NAA35: variants seen among roughly 807,000 people sequenced by gnomAD.
NAA35 encodes MAK10 homolog, amino-acid N-acetyltransferase subunit.
A neutral mutation model predicts 101.7 loss-of-function variants in NAA35; 18 were observed. The ratio of observed to expected loss-of-function variants is 0.18; its 90% CI spans 0.12 to 0.26. NAA35 has a LOEUF of 0.26. Among genes scored for constraint, NAA35 ranks in the 10% least tolerant of loss-of-function variants. The probability of loss-of-function intolerance (pLI) is 1.00; values close to 1 mark genes in which losing one functional copy is unlikely to be tolerated. For synonymous variants in NAA35, 267 were observed against 273.1 expected (o/e 0.98, Z 0.22); for missense variants, 601 against 886.8 (o/e 0.68, Z 4.09).
In NAA35 at chr9:86,023,608, A is replaced by G. The variant is rs1832664380; in HGVS notation, c.*1648A>G. On this transcript the variant is annotated 3_prime_UTR_variant, in exon 23 of 23. Coordinates refer to ENST00000361671, the MANE Select transcript of NAA35 (RefSeq NM_024635.4). ...AAAAAAAGGAATGTAGATTAATGCA[A>G]CAAGGGCCCTGCTAGATGATGGGAT... is the stretch of plus-strand genomic sequence containing the variant. Among the ~76,000 whole-genome samples, 1 of 152,216 alleles carries G rather than the reference A, an allele frequency of 6.6e-6. No homozygotes were observed. The highest frequency in any genetic ancestry group is 1.5e-5 in the Non-Finnish European group (1 of 68,036).
chr9:85,983,151 A>G (rs1056283306), intron 11 of NAA35, among the ~76,000 whole-genome samples: 1 of 152,172 alleles, frequency 6.6e-6, no homozygotes, highest in Non-Finnish European at 1.5e-5. Context: ...GGGATTCTGT[A>G]CTTGAGGGTA....
rs559262699 is a variant in NAA35, at chr9:85,999,469, A to T, written c.1056+2892A>T. Among the ~76,000 whole-genome samples the T allele has an allele frequency of 6.6e-5, 10 of 152,300 alleles. No homozygotes were observed. In the East Asian group the frequency reaches 1.9e-3, roughly 29 times the overall value. On this transcript the variant is annotated intron_variant, in intron 12 of 22. Coordinates refer to ENST00000361671, the MANE Select transcript of NAA35 (RefSeq NM_024635.4). Reference sequence around the variant, plus strand: ...TGGTAAGCAAATGGACTTTAAAATAATTTTTTTAGTAAGCAACAGGGCTGA... The same window carrying T: ...TGGTAAGCAAATGGACTTTAAAATATTTTTTTTAGTAAGCAACAGGGCTGA...
rs1831698103 is a variant in NAA35, at chr9:86,007,476, A to G, written c.1223+12A>G. ...GTGCTTTCCCCCAAGTAAGTATTGTAAGACATTTTAGAGTTGTATGTATGT... is the reference window on the plus strand; with the variant it reads ...GTGCTTTCCCCCAAGTAAGTATTGTGAGACATTTTAGAGTTGTATGTATGT... On this transcript the variant is annotated intron_variant, in intron 14 of 22. Transcript: ENST00000361671. 6.2e-7 allele frequency: 1 copy of G among 1,605,968 alleles called. No homozygotes were observed. Among genetic ancestry groups the G allele is most frequent in the East Asian group, 2.2e-5 (1 of 44,804 alleles).
chr9:85,986,305 T>C (rs1009576179), intron 11 of NAA35, among the ~76,000 whole-genome samples: 3 of 152,270 alleles, frequency 2.0e-5, no homozygotes, highest in Non-Finnish European at 4.4e-5. Context: ...CTGACTTATT[T>C]ACTTGATCAT....
chr9:85,986,051 A>G (rs1830633321), intron 11 of NAA35, among the ~76,000 whole-genome samples: 1 of 152,192 alleles, frequency 6.6e-6, no homozygotes, highest in African/African-American at 2.4e-5. Flanking sequence ...AACACAAGAT[A>G]ATAGCTGAGC....
At chr9:86,006,751 C>T (rs1831661308) in intron 13 of NAA35, among the ~76,000 whole-genome samples, 1 of 152,036 alleles carries the variant, frequency 6.6e-6, no homozygotes, top group Non-Finnish European at 1.5e-5. Context: ...AAAAACTATG[C>T]TTTTGTTAGA....
chr9:85,969,769 A>T (rs1233481284), intron 6 of NAA35, among the ~76,000 whole-genome samples: 2 of 151,984 alleles, frequency 1.3e-5, no homozygotes, highest in African/African-American at 4.8e-5. Context: ...AGGCTGAGGC[A>T]GGAAGATCAC....
chr9:85,977,398 A>G lies in NAA35; in HGVS notation c.714A>G (p.Lys238=). Residue 238 remains lysine (K), a synonymous_variant, in exon 10 of 23, where the codon AAA becomes AAG. Transcript: ENST00000361671. ...GTTTAGCAGTATTCAGCAGAGTGAA[A>G]TTTACTCGTGTGTTACTGACAGTGC... The part of the protein sequence containing the change: ...QQCLAVFSRV[K]FTRVLLTVLI... 3 of 1,612,506 alleles carry G rather than the reference A, an allele frequency of 1.9e-6. No individual in the cohort carries two copies. The highest frequency in any genetic ancestry group is 1.7e-6 in the Non-Finnish European group (2 of 1,178,904).
chr9:85,990,624 TAACAA>T (rs1423473766), intron 11 of NAA35, among the ~76,000 whole-genome samples: 1 of 152,240 alleles, frequency 6.6e-6, no homozygotes, highest in Non-Finnish European at 1.5e-5. Context: ...AATTTAGTGA[TAACAA>T]AACTCAGTTC....
At chr9:85,974,918 T>C (rs115223356) in intron 6 of NAA35, 49 bp from the exon 7 acceptor site, 1 of 1,343,968 alleles carries the variant, frequency 7.4e-7, no homozygotes, top group Non-Finnish European at 1.0e-6. Flanking sequence ...TTTGCCGCTA[T>C]TTAAGGTTTT....
At chr9:85,996,691 T>C in intron 12 of NAA35, 114 bp downstream of exon 12, 1 of 717,624 alleles carries the variant, frequency 1.4e-6, no homozygotes, top group Non-Finnish European at 2.2e-6. Context: ...ATTGATTGCT[T>C]TATAGACATT....
chr9:85,956,527 A>G (rs1829283080), intron 3 of NAA35, 134 bp downstream of exon 3: 4 of 466,414 alleles, frequency 8.6e-6, no homozygotes, highest in South Asian at 9.3e-5. Flanking sequence ...AATTATAAAT[A>G]TATTTTTAAC....
At chr9:85,964,275 C>G (rs962520906) in intron 6 of NAA35, among the ~76,000 whole-genome samples, 1 of 152,092 alleles carries the variant, frequency 6.6e-6, no homozygotes, top group Non-Finnish European at 1.5e-5. Context: ...CACTTATGCG[C>G]GTGCTCCTGC....
At chr9:86,002,848 C>G (rs1051686686) in intron 12 of NAA35, among the ~76,000 whole-genome samples, 8 of 152,164 alleles carry the variant, frequency 5.3e-5, no homozygotes, top group African/African-American at 1.9e-4. Context: ...TCATTCCAGC[C>G]AGTTCAGCCT....
At chr9:85,978,438 A>G in intron 11 of NAA35, 57 bp downstream of exon 11, 1 of 1,229,824 alleles carries the variant, frequency 8.1e-7, no homozygotes, top group Non-Finnish European at 1.2e-6. Flanking sequence ...CAAAATATTT[A>G]GTGCTTAGCT....
intron 6 of NAA35, among the ~76,000 whole-genome samples, chr9:85,973,590 C>T (rs1170632360): frequency 6.6e-6 from 1 of 152,078 alleles, no homozygotes; most frequent in Non-Finnish European, 1.5e-5. Flanking sequence ...CTGAGCAACT[C>T]TAGATAGGTA....
intron 16 of NAA35, 88 bp from the exon 17 acceptor site, chr9:86,013,631 A>C: frequency 3.2e-6 from 4 of 1,252,900 alleles, no homozygotes; most frequent in Non-Finnish European, 3.3e-6. Flanking sequence ...TTCTGCTCAT[A>C]TTCTTTTTAG....
intron 6 of NAA35, among the ~76,000 whole-genome samples, chr9:85,965,170 A>T (rs1030572393): frequency 6.6e-6 from 1 of 152,250 alleles, no homozygotes; most frequent in African/African-American, 2.4e-5. Flanking sequence ...GTCTTGACTC[A>T]GCAGTTTCAC....
intron 12 of NAA35, among the ~76,000 whole-genome samples, 197 bp from the exon 13 acceptor site, chr9:86,003,388 T>G (rs556138270): frequency 7.9e-5 from 12 of 152,254 alleles, no homozygotes; most frequent in Admixed American, 3.9e-4. Context: ...TTAAGGAAAG[T>G]TTTTAGAGTC....
Sources: gnomAD v4.1 joint callset for allele counts (sites outside exome capture counted in the v4.1 genomes callset) on GRCh38, gnomAD v4.1.1 for gene constraint, MANE v1.5 for transcripts, NCBI Gene and HGNC (gene_info 2026-07-23, HGNC 2026-07-21) for gene names.